Variants in COL25A1 observed in about 807,000 individuals in gnomAD.
The protein encoded by COL25A1 is collagen type XXV alpha 1 chain.
Under a neutral mutation model 128.4 loss-of-function variants are expected in COL25A1, and 103 were observed. The observed-to-expected ratio is 0.80, with a 90% CI of 0.68 to 0.94. COL25A1 has a LOEUF of 0.94. COL25A1 is among the 40% of genes least tolerant of loss of function. The probability of loss-of-function intolerance (pLI) is 0.00; values close to 1 mark genes in which losing one functional copy is unlikely to be tolerated. For missense variants in COL25A1, 745 were observed against 840.0 expected (o/e 0.89, Z 1.40); for synonymous variants, 279 against 277.2 (o/e 1.01, Z -0.06).
At position 109,301,977 on chromosome 4, in the gene COL25A1, G is replaced by A. The variant is rs748687704; in HGVS notation, c.43C>T (p.Pro15Ser). The A allele has an allele frequency of 1.9e-6, 3 of 1,607,840 alleles. No individual in the cohort carries two copies. The highest frequency in any genetic ancestry group is 1.7e-6 in the Non-Finnish European group (2 of 1,177,474). ...GCAGGGGTCGGGTCCTCGGATCTGG[G>A]CTCCCGGCCCCCTCCTTTCCCTGCG... The part of the protein sequence containing the change: ...KHAGKGGGRE[P>S]RSEDPTPAEQ... Residue 15 changes from proline (P) to serine (S), a missense_variant, in exon 2 of 38, where the codon CCC becomes TCC. Physicochemically the swap from Pro to Ser is moderately conservative, Grantham distance 74. This residue lies in a region of COL25A1 where 319 missense variants were observed against 324.9 expected (regional missense o/e 0.98). Coordinates refer to ENST00000399132, the MANE Select transcript of COL25A1 (RefSeq NM_198721.4).
chr4:108,923,022 G>GAC (rs146776527), intron 11 of COL25A1, among the ~76,000 whole-genome samples: 1 of 151,754 alleles, frequency 6.6e-6, no homozygotes, highest in South Asian at 2.1e-4. Flanking sequence ...CAGGCAGACA[G>GAC]ACACACACAC....
intron 6 of COL25A1, among the ~76,000 whole-genome samples, chr4:109,002,822 T>C (rs904376235): frequency 2.6e-5 from 4 of 152,170 alleles, no homozygotes; most frequent in Non-Finnish European, 5.9e-5. Flanking sequence ...TGCAGGTTTG[T>C]TACACAGGTA....
intron 3 of COL25A1, among the ~76,000 whole-genome samples, chr4:109,101,469 A>G (rs1765883660): frequency 6.6e-6 from 1 of 152,234 alleles, no homozygotes; most frequent in South Asian, 2.1e-4. Flanking sequence ...TTGTTAAAAG[A>G]TCAGGGTAAT....
At chr4:109,165,929 G>A (rs1342030632) in intron 3 of COL25A1, among the ~76,000 whole-genome samples, 1 of 152,100 alleles carries the variant, frequency 6.6e-6, no homozygotes, top group Non-Finnish European at 1.5e-5. Context: ...AATATCTTTA[G>A]TATCAAAAAC....
At chr4:109,270,674 C>T (rs1045528170) in intron 3 of COL25A1, among the ~76,000 whole-genome samples, 1 of 152,042 alleles carries the variant, frequency 6.6e-6, no homozygotes, top group African/African-American at 2.4e-5. Flanking sequence ...CATATTTTAC[C>T]ACGTGACACT....
chr4:109,216,252 G>A (rs1777977154), intron 3 of COL25A1, among the ~76,000 whole-genome samples: 1 of 145,922 alleles, frequency 6.9e-6, no homozygotes, highest in Non-Finnish European at 1.5e-5. Context: ...TGGATGGATA[G>A]GAAGGAAGGA....
chr4:109,254,044 A>G (rs561920401), intron 3 of COL25A1, among the ~76,000 whole-genome samples: 3 of 151,330 alleles, frequency 2.0e-5, no homozygotes, highest in Admixed American at 6.6e-5. Context: ...CCGAGATCGC[A>G]CCACTGCACT....
intron 3 of COL25A1, among the ~76,000 whole-genome samples, chr4:109,269,293 T>C (rs1035011320): frequency 6.6e-6 from 1 of 151,656 alleles, no homozygotes; most frequent in Non-Finnish European, 1.5e-5. Flanking sequence ...TAGTATTCCA[T>C]GGTGTATATA....
chr4:108,905,092 TTCA>T (rs1743318284), intron 13 of COL25A1, among the ~76,000 whole-genome samples: 1 of 152,184 alleles, frequency 6.6e-6, no homozygotes, highest in Admixed American at 6.5e-5. Context: ...AGTAATATTG[TTCA>T]TCATCACTTC....
intron 16 of COL25A1, among the ~76,000 whole-genome samples, chr4:108,892,990 C>T (rs1407940045): frequency 6.6e-6 from 1 of 152,154 alleles, no homozygotes; most frequent in South Asian, 2.1e-4. Context: ...GAAGGCCCGG[C>T]ACCAATTAGG....
intron 11 of COL25A1, among the ~76,000 whole-genome samples, chr4:108,932,370 A>G (rs956700184): frequency 6.6e-6 from 1 of 152,218 alleles, no homozygotes; most frequent in African/African-American, 2.4e-5. Flanking sequence ...GTTTGCAGGT[A>G]AAATTAAAAT....
intron 3 of COL25A1, among the ~76,000 whole-genome samples, chr4:109,155,607 T>C (rs1771951264): frequency 6.6e-6 from 1 of 152,228 alleles, no homozygotes. Flanking sequence ...AATCAATGAA[T>C]GAATGAATCT....
Position 109,206,236 on chromosome 4 carries a change from T to A in COL25A1, c.367+94347A>T, listed in dbSNP as rs1776985287. The stretch of plus-strand genomic sequence containing the variant: ...CTCATATACTAAAGACAGGTTCAGA[T>A]ATTTATAAAGTACTTTTATCTATTC... On this transcript the variant is annotated intron_variant, in intron 3 of 37. Coordinates refer to ENST00000399132, the MANE Select transcript of COL25A1 (RefSeq NM_198721.4). 3.3e-5 allele frequency among the ~76,000 whole-genome samples: 5 copies of A among 152,146 alleles called. No individual in the cohort carries two copies. In the South Asian group the frequency reaches 1.0e-3, roughly 32 times the overall value.
At chr4:108,826,731 T>C (rs968343068) in intron 33 of COL25A1, among the ~76,000 whole-genome samples, 16 of 152,156 alleles carry the variant, frequency 1.1e-4, no homozygotes, top group Admixed American at 2.0e-4. Flanking sequence ...TAGGAACAGA[T>C]AAAGTCTGAA....
chr4:109,288,321 G>A (rs1357403248), intron 3 of COL25A1, among the ~76,000 whole-genome samples: 2 of 151,992 alleles, frequency 1.3e-5, no homozygotes, highest in African/African-American at 2.4e-5. Context: ...TAATGGAGTT[G>A]GTATAACATG....
chr4:108,939,367 A>G (rs1747806301), intron 10 of COL25A1, among the ~76,000 whole-genome samples: 1 of 152,222 alleles, frequency 6.6e-6, no homozygotes, highest in East Asian at 1.9e-4. Context: ...AGCAAATCAT[A>G]TGTTGAAAGA....
chr4:109,141,019 A>G (rs946383896), intron 3 of COL25A1, among the ~76,000 whole-genome samples: 1 of 152,180 alleles, frequency 6.6e-6, no homozygotes, highest in African/African-American at 2.4e-5. Flanking sequence ...GCCAGTTTTC[A>G]AAGGGAATGC....
At chr4:108,872,681 G>GCT (rs1738886731) in intron 19 of COL25A1, among the ~76,000 whole-genome samples, 1 of 112,512 alleles carries the variant, frequency 8.9e-6, no homozygotes, top group Non-Finnish European at 1.9e-5. Flanking sequence ...CATTAGATTT[G>GCT]ATATATATAT....
At chr4:109,265,099 GC>G in intron 3 of COL25A1, among the ~76,000 whole-genome samples, 1 of 152,136 alleles carries the variant, frequency 6.6e-6, no homozygotes. Flanking sequence ...TCCAATTTTA[GC>G]CATGTCACTA....
Sources: allele counts gnomAD v4.1 joint callset (sites outside exome capture counted in the v4.1 genomes callset), GRCh38; gene constraint gnomAD v4.1.1; regional missense constraint gnomAD v4.1.1; transcripts MANE v1.5; gene names NCBI Gene and HGNC (gene_info 2026-07-23, HGNC 2026-07-21).